Variants in PRIM2 observed in about 807,000 individuals in gnomAD.
PRIM2 encodes DNA primase subunit 2.
A neutral mutation model predicts 67.3 loss-of-function variants in PRIM2; 39 were observed. That is an observed-to-expected ratio of 0.58 (90% CI 0.45 to 0.76). The LOEUF (loss-of-function observed/expected upper bound fraction) is 0.76. PRIM2 is among the 30% of genes least tolerant of loss of function. The pLI is 0.00. For missense variants in PRIM2, 398 were observed against 598.7 expected, an observed-to-expected ratio of 0.66 and a Z score of 3.50; for synonymous variants, 143 against 198.7, an observed-to-expected ratio of 0.72 and a Z score of 2.36.
chr6:57,622,583 T>G (rs1368662104), intron 12 of PRIM2, among the ~76,000 whole-genome samples: 1 of 152,244 alleles, frequency 6.6e-6, no homozygotes, highest in African/African-American at 2.4e-5. Flanking sequence ...ACTAATGTTT[T>G]TAAAACTCTT....
chr6:57,560,681 T>A (rs1286067926), intron 10 of PRIM2, among the ~76,000 whole-genome samples: 27 of 150,524 alleles, frequency 1.8e-4, no homozygotes, highest in African/African-American at 5.6e-4. Flanking sequence ...AACATTAATC[T>A]TATCATACAT....
chr6:57,440,250 GAC>G (rs1336523667), intron 7 of PRIM2, among the ~76,000 whole-genome samples: 3 of 150,722 alleles, frequency 2.0e-5, no homozygotes, highest in African/African-American at 7.3e-5. Flanking sequence ...CCAACAGGAA[GAC>G]ATTTTAAATC....
At chr6:57,593,852 A>G (rs1473616708) in intron 10 of PRIM2, among the ~76,000 whole-genome samples, 3 of 152,204 alleles carry the variant, frequency 2.0e-5, no homozygotes, top group Non-Finnish European at 2.9e-5. Flanking sequence ...TCCAAATTTT[A>G]GACATGTATA....
chr6:57,379,932 A>T lies in PRIM2; in HGVS notation c.491A>T (p.Gln164Leu). Residue 164 changes from glutamine to leucine, a missense_variant, in exon 6 of 14, where the codon CAG (glutamine) becomes CTG (leucine). Around this residue, in one of 4 missense-constraint regions of PRIM2, gnomAD observed 229 missense variants for 383.6 expected, o/e 0.60. Coordinates refer to ENST00000615550, the MANE Select transcript of PRIM2 (RefSeq NM_000947.5). ...ISDEEKTLREQEIVASSPSLS... is the reference protein window; with the variant it reads ...ISDEEKTLRELEIVASSPSLS... Reference sequence around the variant, plus strand: ...GATGAAGAGAAGACTCTTCGAGAACAGGAGATTGTTGCCTCATCACCAAGT... The same window carrying T: ...GATGAAGAGAAGACTCTTCGAGAACTGGAGATTGTTGCCTCATCACCAAGT... The T allele has an allele frequency of 1.9e-6, 3 of 1,556,048 alleles. No individual in the cohort carries two copies. The South Asian group carries it at 3.6e-5, about 18-fold the overall frequency.
chr6:57,555,212 T>A (rs2127476221), intron 10 of PRIM2, among the ~76,000 whole-genome samples: 1 of 152,332 alleles, frequency 6.6e-6, no homozygotes, highest in Non-Finnish European at 1.5e-5. Context: ...TTTAAAATAA[T>A]TTGTTAGAGT....
the PRIM2 span, among the ~76,000 whole-genome samples, chr6:57,269,683 T>C: frequency 1.3e-5 from 2 of 152,250 alleles, no homozygotes; most frequent in African/African-American, 2.4e-5. Flanking sequence ...GCTTTTGGTG[T>C]TTTAGACATG....
chr6:57,234,566 C>T, the PRIM2 span, among the ~76,000 whole-genome samples: 1 of 151,998 alleles, frequency 6.6e-6, no homozygotes, highest in Non-Finnish European at 1.5e-5. Context: ...CTTTGTTTCC[C>T]AGGCTGGAGT....
chr6:57,478,544 G>GT (rs1335978739), intron 7 of PRIM2, among the ~76,000 whole-genome samples: 2 of 152,076 alleles, frequency 1.3e-5, no homozygotes, highest in South Asian at 2.1e-4. Flanking sequence ...ACACATATGA[G>GT]TTTTTTAGAA....
the PRIM2 span, among the ~76,000 whole-genome samples, chr6:57,267,976 G>C: frequency 1.3e-5 from 2 of 152,058 alleles, no homozygotes; most frequent in Non-Finnish European, 2.9e-5. Context: ...TGGGCATTGA[G>C]CATATGAGAA....
intron 10 of PRIM2, among the ~76,000 whole-genome samples, chr6:57,538,373 C>T (rs1581977156): frequency 1.3e-5 from 2 of 152,066 alleles, no homozygotes; most frequent in African/African-American, 4.8e-5. Context: ...TAAACCTGAA[C>T]AACTTTTTAA....
At chr6:57,378,455 T>C (rs1462344268) in intron 5 of PRIM2, among the ~76,000 whole-genome samples, 3 of 152,192 alleles carry the variant, frequency 2.0e-5, no homozygotes, top group Non-Finnish European at 2.9e-5. Flanking sequence ...GGTAGCATAG[T>C]TATTATCTGT....
At chr6:57,222,368 T>TGGCG in the PRIM2 span, 1 of 152,380 alleles carries the variant, frequency 6.6e-6, no homozygotes, top group African/African-American at 2.4e-5. Flanking sequence ...GCCCCTGTTC[T>TGGCG]GGCGGGTGGC....
At chr6:57,299,922 T>C in the PRIM2 span, among the ~76,000 whole-genome samples, 1 of 152,146 alleles carries the variant, frequency 6.6e-6, no homozygotes, top group Non-Finnish European at 1.5e-5. Flanking sequence ...GTTTAGCATA[T>C]GAGTCTCTTT....
At chr6:57,551,460 A>G (rs1462840309) in intron 10 of PRIM2, among the ~76,000 whole-genome samples, 171 of 152,348 alleles carry the variant, frequency 1.1e-3, no homozygotes, top group African/African-American at 4.0e-3. Context: ...GATGATATTG[A>G]TTAGGCACCC....
chr6:57,513,727 A>T (rs1486727162), intron 8 of PRIM2, among the ~76,000 whole-genome samples: 73 of 152,274 alleles, frequency 4.8e-4, no homozygotes, highest in Non-Finnish European at 8.4e-4. Context: ...TACAAAAATT[A>T]GCCCACTGTG....
intron 5 of PRIM2, among the ~76,000 whole-genome samples, chr6:57,333,612 C>A (rs964575591): frequency 1.3e-5 from 2 of 152,046 alleles, no homozygotes; most frequent in Non-Finnish European, 2.9e-5. Flanking sequence ...CTTTTTATAA[C>A]CTCTTGTTAG....
intron 8 of PRIM2, among the ~76,000 whole-genome samples, chr6:57,529,288 CGACA>C (rs1774835241): frequency 6.6e-6 from 1 of 150,622 alleles, no homozygotes; most frequent in Non-Finnish European, 1.5e-5. Flanking sequence ...CCAGCCTGGG[CGACA>C]GACAGAGCGA....
At chr6:57,527,316 CT>C (rs2127466432) in intron 8 of PRIM2, among the ~76,000 whole-genome samples, 1 of 152,284 alleles carries the variant, frequency 6.6e-6, no homozygotes, top group Non-Finnish European at 1.5e-5. Context: ...TAGTTTTTAT[CT>C]TGTGGAAAGT....
chr6:57,553,746 C>A (rs1775451555), intron 10 of PRIM2, among the ~76,000 whole-genome samples: 1 of 152,146 alleles, frequency 6.6e-6, no homozygotes, highest in African/African-American at 2.4e-5. Flanking sequence ...GCAGTGTGGT[C>A]TTTAGAGTTT....
Sources: allele counts gnomAD v4.1 joint callset (sites outside exome capture counted in the v4.1 genomes callset), GRCh38; gene constraint gnomAD v4.1.1; regional missense constraint gnomAD v4.1.1; transcripts MANE v1.5; gene names NCBI Gene and HGNC (gene_info 2026-07-23, HGNC 2026-07-21).